Variants in XRN1 observed in about 807,000 individuals in gnomAD.
XRN1 encodes 5'-3' exoribonuclease 1, also known as strand-exchange protein 1 homolog.
In XRN1, 67 loss-of-function variants were observed where a neutral mutation model predicts 222.3. The ratio of observed to expected loss-of-function variants is 0.30; its 90% confidence interval spans 0.25 to 0.37. The LOEUF is 0.37. XRN1 is among the 10% of genes least tolerant of loss of function. The pLI is 1.00. For missense variants in XRN1, 1,707 were observed against 2,000.2 expected, an observed-to-expected ratio of 0.85 and a Z score of 2.80; for synonymous variants, 643 against 652.4, an observed-to-expected ratio of 0.99 and a Z score of 0.22.
intron 20 of XRN1, among the ~76,000 whole-genome samples, chr3:142,388,474 AGC>A (rs1183816226): frequency 2.0e-4 from 31 of 152,306 alleles, no homozygotes; most frequent in Non-Finnish European, 3.2e-4. Flanking sequence ...ATTGGGGGTC[AGC>A]ACCCCTACCT....
At chr3:142,384,140 C>T (rs924776807) in intron 21 of XRN1, among the ~76,000 whole-genome samples, 1 of 151,876 alleles carries the variant, frequency 6.6e-6, no homozygotes, top group Non-Finnish European at 1.5e-5. Flanking sequence ...GGTGTGCTGG[C>T]GGGCACCTGT....
At chr3:142,324,502 A>G (rs2065459306) in intron 37 of XRN1, among the ~76,000 whole-genome samples, 1 of 151,992 alleles carries the variant, frequency 6.6e-6, no homozygotes, top group Admixed American at 6.6e-5. Flanking sequence ...TCGTTGTTGG[A>G]CAATTGGGTT....
In XRN1 at chr3:142,418,834, G is replaced by A. The variant is rs750624985; in HGVS notation, c.1221C>T (p.Gly407=). 28 of 1,613,634 alleles carry A rather than the reference G, an allele frequency of 1.7e-5. No individual in the cohort carries two copies. Among genetic ancestry groups the A allele is most frequent in the East Asian group, 2.2e-5 (1 of 44,834 alleles). The change falls in exon 11 of 41, where the codon GGC becomes GGT. Residue 407 remains glycine, a synonymous_variant. Coordinates refer to ENST00000392981, the MANE Select transcript of XRN1 (RefSeq NM_001282857.2). Reference sequence around the variant, plus strand: ...ACTTACCCTTAGAAGTTATCATTTCGCCTTCATTTTTGTCTAAAGCAGTCC... The same window carrying A: ...ACTTACCCTTAGAAGTTATCATTTCACCTTCATTTTTGTCTAAAGCAGTCC... ...LCWTALDKNE[G]EMITSKDNLE... is the part of the protein sequence containing the mutation.
chr3:142,426,886 AGT>A, intron 2 of XRN1, 45 bp from the exon 3 acceptor site: 1 of 1,530,838 alleles, frequency 6.5e-7, no homozygotes, highest in Non-Finnish European at 9.0e-7. Context: ...TCTGAAAAAA[AGT>A]GAAGATCTTT....
chr3:142,388,602 T>C (rs934622186), intron 20 of XRN1, among the ~76,000 whole-genome samples: 1 of 152,220 alleles, frequency 6.6e-6, no homozygotes, highest in Non-Finnish European at 1.5e-5. Context: ...GGCTGTTGAT[T>C]AGTCAGGGCA....
intron 1 of XRN1, among the ~76,000 whole-genome samples, chr3:142,446,444 T>C (rs1000210598): frequency 6.6e-6 from 1 of 152,258 alleles, no homozygotes; most frequent in Non-Finnish European, 1.5e-5. Context: ...TTAGTGTCCA[T>C]GTCATAAAAC....
At chr3:142,407,104 T>C (rs2068371545) in intron 15 of XRN1, among the ~76,000 whole-genome samples, 1 of 152,176 alleles carries the variant, frequency 6.6e-6, no homozygotes, top group African/African-American at 2.4e-5. Flanking sequence ...GCACAGTTAT[T>C]TGGTCTTTGG....
chr3:142,355,364 TTTAAA>T, intron 32 of XRN1, 32 bp downstream of exon 32: 3 of 1,168,390 alleles, frequency 2.6e-6, no homozygotes, highest in Non-Finnish European at 3.5e-6. Context: ...ATATATTTTC[TTTAAA>T]TTAATTGTCC....
chr3:142,432,254 T>C (rs1398916264), intron 2 of XRN1, among the ~76,000 whole-genome samples: 2 of 120,120 alleles, frequency 1.7e-5, no homozygotes, highest in African/African-American at 8.0e-5. Flanking sequence ...ATTTATTTTA[T>C]ATATATATAT....
At chr3:142,426,895 C>CT in intron 2 of XRN1, 54 bp from the exon 3 acceptor site, 1 of 1,473,212 alleles carries the variant, frequency 6.8e-7, no homozygotes, top group Non-Finnish European at 9.4e-7. Context: ...AAGTGAAGAT[C>CT]TTTATATAAA....
At chr3:142,429,395 G>T (rs917087343) in intron 2 of XRN1, among the ~76,000 whole-genome samples, 1 of 151,986 alleles carries the variant, frequency 6.6e-6, no homozygotes, top group Non-Finnish European at 1.5e-5. Context: ...TGATCCACCC[G>T]CCTGGGCCTC....
At chr3:142,328,714 TA>T (rs2065597232) in intron 37 of XRN1, among the ~76,000 whole-genome samples, 1 of 2,196 alleles carries the variant, frequency 4.6e-4, no homozygotes, top group Non-Finnish European at 1.1e-3. Context: ...TATATATATA[TA>T]TATATATATA....
chr3:142,340,492 G>A (rs2065964000), intron 33 of XRN1, among the ~76,000 whole-genome samples: 1 of 151,162 alleles, frequency 6.6e-6, no homozygotes, highest in Non-Finnish European at 1.5e-5. Context: ...GAGAAAGAGG[G>A]GTAGAAAGTT....
At chr3:142,331,348 C>T (rs139207664) in intron 36 of XRN1, among the ~76,000 whole-genome samples, 190 of 149,388 alleles carry the variant, frequency 1.3e-3, no homozygotes, top group African/African-American at 4.5e-3. Context: ...ATGCTATAGG[C>T]TTTACAGACT....
At chr3:142,354,256 G>C (rs2066396893) in intron 32 of XRN1, among the ~76,000 whole-genome samples, 1 of 152,090 alleles carries the variant, frequency 6.6e-6, no homozygotes. Context: ...ACACCGGTCA[G>C]AATGGCTGTC....
intron 13 of XRN1, among the ~76,000 whole-genome samples, chr3:142,414,689 G>T (rs1425758454): frequency 6.6e-6 from 1 of 151,968 alleles, no homozygotes; most frequent in East Asian, 1.9e-4. Flanking sequence ...TAGAGACGGG[G>T]TTTCACCTTG....
intron 32 of XRN1, among the ~76,000 whole-genome samples, chr3:142,355,080 G>C (rs983148628): frequency 1.3e-5 from 2 of 150,240 alleles, no homozygotes; most frequent in South Asian, 4.3e-4. Context: ...ACTACAGATG[G>C]GGGAAGATAG....
chr3:142,420,940 G>A (rs1396102754), intron 10 of XRN1, 76 bp downstream of exon 10: 8 of 1,581,334 alleles, frequency 5.1e-6, no homozygotes, highest in African/African-American at 2.7e-5. Flanking sequence ...ATCATAAGAA[G>A]GAAAATGAGA....
rs913788693 is a variant in XRN1, at chr3:142,439,010, C to T, written c.76-6117G>A. ...AACAATGAACCAGAGTGCCAATATT[C>T]CCCGATTATGCCCCCTCCAAGCAGT... On this transcript the variant is annotated intron_variant, in intron 1 of 40. Coordinates refer to ENST00000392981, the MANE Select transcript of XRN1 (RefSeq NM_001282857.2). 2.6e-5 allele frequency among the ~76,000 whole-genome samples: 4 copies of T among 152,166 alleles called. No homozygotes were observed. In the South Asian group the frequency reaches 8.3e-4, roughly 32 times the overall value.
Sources: gnomAD v4.1 joint callset for allele counts (sites outside exome capture counted in the v4.1 genomes callset) on GRCh38, gnomAD v4.1.1 for gene constraint, MANE v1.5 for transcripts, NCBI Gene and HGNC (gene_info 2026-07-23, HGNC 2026-07-21) for gene names.